The following DIAPH3 variants were observed in gnomAD, a reference collection of about 807,000 sequenced individuals.
DIAPH3 encodes diaphanous related formin 3, also known as protein diaphanous homolog 3.
A neutral mutation model predicts 144.3 loss-of-function variants in DIAPH3; 117 were observed. The ratio of observed to expected loss-of-function variants is 0.81; its 90% CI spans 0.70 to 0.95. The LOEUF is 0.95. Among genes scored for constraint, DIAPH3 ranks in the 40% least tolerant of loss-of-function variants. The pLI, the probability that DIAPH3 is intolerant of heterozygous loss-of-function variation, is 0.00. For missense variants in DIAPH3, 1,421 were observed against 1,412.7 expected (o/e 1.01, Z -0.09); for synonymous variants, 519 against 488.9 (o/e 1.06, Z -0.81).
At chr13:59,958,433 T>C (rs920081625) in intron 17 of DIAPH3, among the ~76,000 whole-genome samples, 3 of 152,140 alleles carry the variant, frequency 2.0e-5, no homozygotes, top group East Asian at 1.9e-4. Flanking sequence ...ACAGGCAATG[T>C]AGACATTGTT....
chr13:59,710,380 ACT>A (rs1328713559), intron 27 of DIAPH3, among the ~76,000 whole-genome samples: 1 of 152,120 alleles, frequency 6.6e-6, no homozygotes, highest in African/African-American at 2.4e-5. Context: ...TTTCAAATGT[ACT>A]CTCTACATTT....
At chr13:59,957,600 A>G (rs1566571770) in intron 17 of DIAPH3, among the ~76,000 whole-genome samples, 1 of 152,200 alleles carries the variant, frequency 6.6e-6, no homozygotes, top group Non-Finnish European at 1.5e-5. Flanking sequence ...GCTGACACAA[A>G]CTGCCGTTTT....
intron 19 of DIAPH3, 101 bp from the exon 20 acceptor site, chr13:59,911,937 C>T (rs2047014833): frequency 2.1e-6 from 2 of 973,084 alleles, no homozygotes. Flanking sequence ...TGAAGTTAAT[C>T]TTCAGTTTTA....
intron 16 of DIAPH3, 135 bp downstream of exon 16, chr13:59,970,717 T>C (rs2050316100): frequency 1.3e-6 from 1 of 778,518 alleles, no homozygotes; most frequent in Non-Finnish European, 1.9e-6. Context: ...CTTTGATTAG[T>C]GACATTAGAA....
intron 20 of DIAPH3, among the ~76,000 whole-genome samples, chr13:59,881,159 A>G (rs1297671650): frequency 1.3e-5 from 2 of 150,952 alleles, no homozygotes; most frequent in African/African-American, 2.5e-5. Flanking sequence ...AAAATATATT[A>G]TATTTTAAGA....
chr13:59,711,806 T>C (rs1465231302), intron 27 of DIAPH3, among the ~76,000 whole-genome samples: 1 of 152,188 alleles, frequency 6.6e-6, no homozygotes, highest in Admixed American at 6.5e-5. Context: ...TAGCATATCA[T>C]TTGGCACAGA....
At chr13:60,121,356 C>T (rs1286628539) in intron 2 of DIAPH3, among the ~76,000 whole-genome samples, 1 of 151,878 alleles carries the variant, frequency 6.6e-6, no homozygotes, top group Non-Finnish European at 1.5e-5. Flanking sequence ...CCTTGGTGGT[C>T]CATGGACCAC....
At chr13:59,706,795 T>G (rs529481111) in intron 27 of DIAPH3, among the ~76,000 whole-genome samples, 10 of 152,350 alleles carry the variant, frequency 6.6e-5, no homozygotes, top group Admixed American at 6.5e-4. Context: ...TCTCCTTTTT[T>G]TCTCTCCTGT....
chr13:59,880,655 A>C (rs566122398), intron 20 of DIAPH3, among the ~76,000 whole-genome samples: 1 of 152,240 alleles, frequency 6.6e-6, no homozygotes, highest in Admixed American at 6.5e-5. Flanking sequence ...TTAATGACTA[A>C]ACATAACTCA....
At chr13:59,870,154 A>T (rs1207523575) in intron 21 of DIAPH3, among the ~76,000 whole-genome samples, 5 of 151,480 alleles carry the variant, frequency 3.3e-5, no homozygotes, top group Non-Finnish European at 5.9e-5. Flanking sequence ...GAAAGATATT[A>T]GGTCTGGCAA....
intron 1 of DIAPH3, among the ~76,000 whole-genome samples, chr13:60,152,109 C>T (rs977666795): frequency 2.0e-5 from 3 of 152,080 alleles, no homozygotes; most frequent in Non-Finnish European, 4.4e-5. Flanking sequence ...GCAGCAATTA[C>T]GGGATAAACT....
intron 20 of DIAPH3, among the ~76,000 whole-genome samples, chr13:59,905,370 A>AAAAAAAAAAAT (rs1211489670): frequency 7.1e-6 from 1 of 140,256 alleles, no homozygotes; most frequent in Non-Finnish European, 1.6e-5. Context: ...AAAAAAAAAA[A>AAAAAAAAAAAT]GTGTAAGTTC....
chr13:59,753,005 A>G (rs1468663968), intron 27 of DIAPH3, among the ~76,000 whole-genome samples: 1 of 152,224 alleles, frequency 6.6e-6, no homozygotes, highest in Non-Finnish European at 1.5e-5. Context: ...GTAAGTAGCT[A>G]CTAATGAAAA....
At chr13:60,047,804 A>G (rs1456654949) in intron 4 of DIAPH3, among the ~76,000 whole-genome samples, 4 of 152,236 alleles carry the variant, frequency 2.6e-5, no homozygotes, top group Non-Finnish European at 5.9e-5. Flanking sequence ...TTATTAAATT[A>G]GTTTCAGTAA....
chr13:59,675,419 C>A (rs1389962711), intron 27 of DIAPH3, among the ~76,000 whole-genome samples: 2 of 150,118 alleles, frequency 1.3e-5, no homozygotes, highest in African/African-American at 4.9e-5. Context: ...GAGTCTCGCT[C>A]TGTCGCCCAG....
chr13:60,069,791 T>A (rs1289293752), intron 4 of DIAPH3, among the ~76,000 whole-genome samples: 1 of 152,176 alleles, frequency 6.6e-6, no homozygotes, highest in Non-Finnish European at 1.5e-5. Flanking sequence ...GTTACAGGTG[T>A]ATGGCTTTAT....
intron 20 of DIAPH3, among the ~76,000 whole-genome samples, chr13:59,884,697 T>G (rs2045320893): frequency 6.6e-6 from 1 of 152,024 alleles, no homozygotes; most frequent in Non-Finnish European, 1.5e-5. Context: ...AAAAAATATC[T>G]TTCATTGTTA....
chr13:60,028,312 G>A (rs940565250), intron 5 of DIAPH3, among the ~76,000 whole-genome samples: 4 of 151,856 alleles, frequency 2.6e-5, no homozygotes, highest in Non-Finnish European at 5.9e-5. Flanking sequence ...CTACCACCAA[G>A]ACTCCAAAAA....
At chr13:59,836,969 T>C (rs939933451) in intron 23 of DIAPH3, among the ~76,000 whole-genome samples, 6 of 152,002 alleles carry the variant, frequency 3.9e-5, no homozygotes, top group Non-Finnish European at 8.8e-5. Flanking sequence ...ATGCATTTAA[T>C]ATGCAAAATC....
Sources: allele counts gnomAD v4.1 joint callset (sites outside exome capture counted in the v4.1 genomes callset), GRCh38; gene constraint gnomAD v4.1.1; transcripts MANE v1.5; gene names NCBI Gene and HGNC (gene_info 2026-07-23, HGNC 2026-07-21).